Variants in ANKRD55 observed in about 807,000 individuals in gnomAD.
ANKRD55 encodes the protein ankyrin repeat domain-containing protein 55.
Under a neutral mutation model 60.6 loss-of-function variants are expected in ANKRD55, and 41 were observed. The observed-to-expected ratio is 0.68, with a 90% confidence interval of 0.53 to 0.88. The LOEUF is 0.88. Ranked by LOEUF, ANKRD55 falls within the 40% of genes least tolerant of loss-of-function variation. The pLI, the probability that ANKRD55 is intolerant of heterozygous loss-of-function variation, is 0.00. For missense variants in ANKRD55, 732 were observed against 767.6 expected (o/e 0.95, Z 0.55); for synonymous variants, 264 against 290.3 (o/e 0.91, Z 0.92).
Position 56,100,107 on chromosome 5 carries a change from A to T in ANKRD55, c.*76T>A. The T allele has an allele frequency of 6.3e-7, 1 of 1,598,322 alleles. No homozygotes were observed. The highest frequency in any genetic ancestry group is 2.2e-5 in the East Asian group (1 of 44,652). On this transcript the variant is annotated 3_prime_UTR_variant, in exon 12 of 12. Coordinates refer to ENST00000341048, the MANE Select transcript of ANKRD55 (RefSeq NM_024669.3). ...GCTTACTAAATTGGTCTTCGTTCTT[A>T]CAAACTGGAGTAATCTTGTCCTTTG...
intron 2 of ANKRD55, among the ~76,000 whole-genome samples, chr5:56,208,855 C>G (rs141583301): frequency 1.3e-5 from 2 of 152,186 alleles, no homozygotes; most frequent in Admixed American, 1.3e-4. Context: ...AGAAAACGTT[C>G]AGTTCCATCA....
At chr5:56,228,085 C>A (rs549977888) in intron 2 of ANKRD55, among the ~76,000 whole-genome samples, 1 of 152,272 alleles carries the variant, frequency 6.6e-6, no homozygotes, top group East Asian at 1.9e-4. Context: ...TGAATGGTGG[C>A]CCTAAAGACA....
intron 2 of ANKRD55, among the ~76,000 whole-genome samples, chr5:56,205,741 T>C (rs115076485): frequency 0.015 from 2,216 of 152,270 alleles, 56 homozygotes; most frequent in African/African-American, 0.051. Context: ...CTTATAAAAC[T>C]GCCCCTAGTG....
At chr5:56,223,674 A>G (rs1218912474) in intron 2 of ANKRD55, among the ~76,000 whole-genome samples, 2 of 152,230 alleles carry the variant, frequency 1.3e-5, no homozygotes, top group African/African-American at 4.8e-5. Flanking sequence ...AAACAAAAAA[A>G]GGCAGGGGTT....
chr5:56,129,664 A>G (rs1458414288), intron 7 of ANKRD55, among the ~76,000 whole-genome samples: 1 of 152,238 alleles, frequency 6.6e-6, no homozygotes, highest in Non-Finnish European at 1.5e-5. Context: ...AAAGGAGTCT[A>G]GTGGGCGATT....
intron 7 of ANKRD55, chr5:56,137,095 A>C (rs979082387): frequency 1.5e-5 from 15 of 975,712 alleles, no homozygotes; most frequent in Non-Finnish European, 2.5e-5. Context: ...CAGGGTAGGC[A>C]TATATGAAAA....
intron 10 of ANKRD55, among the ~76,000 whole-genome samples, chr5:56,104,570 G>A (rs1756393434): frequency 6.6e-6 from 1 of 152,028 alleles, no homozygotes; most frequent in South Asian, 2.1e-4. Flanking sequence ...TTCAGCTTTG[G>A]GGACAGGGTC....
intron 2 of ANKRD55, among the ~76,000 whole-genome samples, chr5:56,187,420 C>T (rs184625798): frequency 3.6e-4 from 55 of 152,368 alleles, no homozygotes; most frequent in African/African-American, 1.3e-3. Context: ...GAGCTGGCAA[C>T]GGCTACCCTC....
intron 10 of ANKRD55, among the ~76,000 whole-genome samples, chr5:56,107,374 G>A (rs1756513801): frequency 6.6e-6 from 1 of 152,102 alleles, no homozygotes; most frequent in Admixed American, 6.6e-5. Flanking sequence ...CTATTCTGCT[G>A]TCCCAGGATT....
intron 6 of ANKRD55, among the ~76,000 whole-genome samples, chr5:56,158,382 T>C (rs995433912): frequency 2.2e-4 from 34 of 152,204 alleles, no homozygotes; most frequent in Non-Finnish European, 8.8e-5. Context: ...TAAAATTCCA[T>C]TGAAAACCAG....
At chr5:56,225,193 A>G (rs1561299440) in intron 2 of ANKRD55, among the ~76,000 whole-genome samples, 1 of 152,218 alleles carries the variant, frequency 6.6e-6, no homozygotes, top group Non-Finnish European at 1.5e-5. Context: ...ACAAATCAAT[A>G]AACGTAATCC....
chr5:56,168,220 G>A (rs185965622), intron 5 of ANKRD55, among the ~76,000 whole-genome samples: 1 of 152,358 alleles, frequency 6.6e-6, no homozygotes, highest in East Asian at 1.9e-4. Flanking sequence ...TCTCTATAGG[G>A]TAGTCCCTGC....
chr5:56,172,400 C>T (rs1343742495), intron 4 of ANKRD55, among the ~76,000 whole-genome samples: 1 of 152,100 alleles, frequency 6.6e-6, no homozygotes, highest in Non-Finnish European at 1.5e-5. Flanking sequence ...ATCAAGTTCT[C>T]AGATTAAAAG....
intron 2 of ANKRD55, among the ~76,000 whole-genome samples, chr5:56,203,683 G>C (rs1345230460): frequency 6.6e-6 from 1 of 152,114 alleles, no homozygotes; most frequent in Admixed American, 6.5e-5. Flanking sequence ...TTTTATGGCT[G>C]CATAGTATTC....
intron 1 of ANKRD55, 42 bp from the exon 2 acceptor site, chr5:56,232,988 T>C (rs149489): frequency 0.35 from 489,503 of 1,384,340 alleles, 104,626 homozygotes; most frequent in East Asian, 0.88. Context: ...ACTGTCAACA[T>C]GACAGTCAGA....
chr5:56,212,396 G>A (rs159570), intron 2 of ANKRD55, among the ~76,000 whole-genome samples: 50,114 of 151,978 alleles, frequency 0.33, 9,860 homozygotes, highest in African/African-American at 0.54. Flanking sequence ...AACATTATAC[G>A]TAATAGTGAA....
intron 6 of ANKRD55, among the ~76,000 whole-genome samples, chr5:56,144,609 G>T (rs550529702): frequency 2.1e-3 from 326 of 152,288 alleles, no homozygotes; most frequent in African/African-American, 7.7e-3. Flanking sequence ...AACACATTTG[G>T]AATTTATTCT....
intron 5 of ANKRD55, among the ~76,000 whole-genome samples, chr5:56,165,860 C>T (rs544593061): frequency 6.6e-5 from 10 of 152,162 alleles, no homozygotes; most frequent in African/African-American, 2.2e-4. Flanking sequence ...ACCCAGGAGG[C>T]GCAGTTTGTG....
intron 2 of ANKRD55, among the ~76,000 whole-genome samples, chr5:56,190,137 G>A (rs150886): frequency 0.18 from 26,666 of 152,158 alleles, 2,792 homozygotes; most frequent in East Asian, 0.38. Context: ...TTCAAGAAAT[G>A]TCTATTCAAA....
Sources: allele counts gnomAD v4.1 joint callset (sites outside exome capture counted in the v4.1 genomes callset), GRCh38; gene constraint gnomAD v4.1.1; transcripts MANE v1.5; gene names NCBI Gene and HGNC (gene_info 2026-07-23, HGNC 2026-07-21).